The following CADPS2 variants were observed in gnomAD, a reference collection of about 807,000 sequenced individuals.
CADPS2 encodes the protein calcium dependent secretion activator 2.
A neutral mutation model predicts 172.5 loss-of-function variants in CADPS2; 93 were observed. That is an observed-to-expected ratio of 0.54 (90% CI 0.46 to 0.64). The LOEUF is 0.64. CADPS2 is among the 30% of genes least tolerant of loss of function. The pLI is 0.00. For missense variants in CADPS2, 1,420 were observed against 1,565.9 expected (o/e 0.91, Z 1.57); for synonymous variants, 546 against 555.2 (o/e 0.98, Z 0.23).
chr7:122,439,890 G>A (rs747419979), intron 16 of CADPS2, among the ~76,000 whole-genome samples: 15 of 152,076 alleles, frequency 9.9e-5, no homozygotes, highest in Non-Finnish European at 1.6e-4. Flanking sequence ...AACAAAAATG[G>A]CTGTTAAAGT....
At chr7:122,865,121 G>A (rs902647121) in intron 1 of CADPS2, among the ~76,000 whole-genome samples, 2 of 152,054 alleles carry the variant, frequency 1.3e-5, no homozygotes, top group Non-Finnish European at 2.9e-5. Flanking sequence ...GTGAGGGATG[G>A]TTGTTAAAAT....
At chr7:122,358,430 A>T (rs1361476456) in intron 27 of CADPS2, among the ~76,000 whole-genome samples, 1 of 152,134 alleles carries the variant, frequency 6.6e-6, no homozygotes, top group Non-Finnish European at 1.5e-5. Context: ...CTTTCTCTTA[A>T]CAATGAATAA....
intron 1 of CADPS2, among the ~76,000 whole-genome samples, chr7:122,882,775 A>G (rs1823278836): frequency 6.6e-6 from 1 of 152,262 alleles, no homozygotes; most frequent in Middle Eastern, 3.4e-3. Context: ...TCCAAAGTTA[A>G]TCATCATTGT....
chr7:122,681,754 G>C, intron 2 of CADPS2: 4 of 504,294 alleles, frequency 7.9e-6, no homozygotes. Context: ...ATAAAAGAAA[G>C]AAAAAAAACA....
Position 122,407,541 on chromosome 7 carries a change from G to A in CADPS2, c.2745C>T (p.Asp915=), listed in dbSNP as rs2046801639. 2 of 1,608,916 alleles carry A rather than the reference G, an allele frequency of 1.2e-6. No individual in the cohort carries two copies. Among genetic ancestry groups the A allele is most frequent in the East Asian group, 4.5e-5 (2 of 44,838 alleles). The stretch of plus-strand genomic sequence containing the variant: ...ATGAAAGAAAACGCAAATGCTCACT[G>A]TCATTTCGGAGGAAATTATTAAGCA... ...FQLLNNFLRN[D]TLLCNGKFHK... Residue 915 remains aspartate, a splice_region_variant and synonymous_variant, in exon 20 of 30, where the codon GAC becomes GAT. Coordinates refer to ENST00000449022, the MANE Select transcript of CADPS2 (RefSeq NM_017954.11).
chr7:122,615,410 T>G lies in CADPS2; in HGVS notation c.1105-111A>C, dbSNP rs567453647. 1.8e-4 allele frequency: 112 copies of G among 612,384 alleles called. 1 individual carries two copies. In the South Asian group the frequency reaches 4.2e-3, roughly 23 times the overall value. 37.9% of individuals were successfully genotyped at this position (612,384 alleles called of 1,614,324 possible). On this transcript the variant is annotated intron_variant, in intron 5 of 29. Transcript: ENST00000449022. ...AAGATTGACAAAACTGAAAAAAAAT[T>G]TGTTTTTTGTTAACATCACTGGTAT...
chr7:122,576,391 A>C (rs1029008835), intron 7 of CADPS2, among the ~76,000 whole-genome samples: 2 of 152,064 alleles, frequency 1.3e-5, no homozygotes, highest in African/African-American at 2.4e-5. Context: ...TTCTTTTCTC[A>C]TCACCCCTTT....
At chr7:122,825,745 C>T (rs1216119934) in intron 1 of CADPS2, among the ~76,000 whole-genome samples, 1 of 151,980 alleles carries the variant, frequency 6.6e-6, no homozygotes, top group Non-Finnish European at 1.5e-5. Flanking sequence ...AGAAATAACA[C>T]AAAGACATTC....
At chr7:122,837,564 C>G (rs77939102) in intron 1 of CADPS2, among the ~76,000 whole-genome samples, 1 of 152,066 alleles carries the variant, frequency 6.6e-6, no homozygotes, top group Non-Finnish European at 1.5e-5. Context: ...AGAGAAGAAT[C>G]AAATAGACGC....
chr7:122,714,108 A>C (rs1478419496), intron 2 of CADPS2, among the ~76,000 whole-genome samples: 1 of 152,112 alleles, frequency 6.6e-6, no homozygotes, highest in Admixed American at 6.6e-5. Flanking sequence ...GACAGAAAGC[A>C]AATGTTTGTA....
intron 11 of CADPS2, among the ~76,000 whole-genome samples, chr7:122,487,820 C>T (rs979817163): frequency 6.6e-6 from 1 of 152,024 alleles, no homozygotes; most frequent in African/African-American, 2.4e-5. Context: ...TGCAGTAGAC[C>T]AGGTAACATA....
intron 1 of CADPS2, among the ~76,000 whole-genome samples, chr7:122,861,476 G>A (rs1432642463): frequency 2.0e-5 from 3 of 152,170 alleles, no homozygotes; most frequent in African/African-American, 7.2e-5. Flanking sequence ...AATTGTTGGA[G>A]TTCCTTGCAT....
At chr7:122,379,551 A>G in intron 24 of CADPS2, 109 bp from the exon 25 acceptor site, 5 of 710,326 alleles carry the variant, frequency 7.0e-6, no homozygotes, top group South Asian at 1.6e-5. Context: ...TTTATTTAAA[A>G]TGATCATTTA....
intron 1 of CADPS2, among the ~76,000 whole-genome samples, chr7:122,873,926 A>G (rs1820504788): frequency 6.6e-6 from 1 of 151,978 alleles, no homozygotes; most frequent in Non-Finnish European, 1.5e-5. Context: ...AGTGATGATG[A>G]GCTTTTCATA....
At chr7:122,710,143 T>C (rs1238230130) in intron 2 of CADPS2, among the ~76,000 whole-genome samples, 2 of 151,544 alleles carry the variant, frequency 1.3e-5, no homozygotes, top group African/African-American at 4.8e-5. Flanking sequence ...ATGCATTGCC[T>C]TCCTAATACA....
intron 1 of CADPS2, among the ~76,000 whole-genome samples, chr7:122,757,311 G>T (rs1311374003): frequency 6.6e-6 from 1 of 151,976 alleles, no homozygotes; most frequent in East Asian, 1.9e-4. Context: ...ACCATGACCA[G>T]CTAATTTTTG....
chr7:122,327,603 T>C (rs183763513), intron 28 of CADPS2, among the ~76,000 whole-genome samples: 22 of 152,206 alleles, frequency 1.4e-4, no homozygotes, highest in Admixed American at 1.1e-3. Flanking sequence ...CTTTATGTTC[T>C]TGAAAATCCT....
intron 15 of CADPS2, among the ~76,000 whole-genome samples, chr7:122,450,264 T>C (rs993850999): frequency 6.6e-6 from 1 of 152,110 alleles, no homozygotes; most frequent in East Asian, 1.9e-4. Context: ...AATAAGAGCA[T>C]ATTCACTAAG....
At chr7:122,339,384 C>T (rs1258548318) in intron 28 of CADPS2, among the ~76,000 whole-genome samples, 1 of 151,830 alleles carries the variant, frequency 6.6e-6, no homozygotes, top group Non-Finnish European at 1.5e-5. Flanking sequence ...TCACCCTTAT[C>T]CATGTTTTGT....
Sources: gnomAD v4.1 joint callset for allele counts (sites outside exome capture counted in the v4.1 genomes callset) on GRCh38, gnomAD v4.1.1 for gene constraint, MANE v1.5 for transcripts, NCBI Gene and HGNC (gene_info 2026-07-23, HGNC 2026-07-21) for gene names.